Variants in FRAS1 observed in about 807,000 individuals in gnomAD.
The protein encoded by FRAS1 is extracellular matrix organizing protein FRAS1.
A neutral mutation model predicts 435.2 loss-of-function variants in FRAS1; 290 were observed. The observed-to-expected ratio is 0.67, with a 90% CI of 0.61 to 0.73. The LOEUF is 0.73. Among genes scored for constraint, FRAS1 ranks in the 30% least tolerant of loss-of-function variants. FRAS1 has a pLI of 0.00. For synonymous variants in FRAS1, 1,800 were observed against 1,851.0 expected (o/e 0.97, Z 0.71); for missense variants, 4,860 against 5,001.5 (o/e 0.97, Z 0.85).
chr4:78,136,200 CA>C (rs908673127), intron 2 of FRAS1, among the ~76,000 whole-genome samples: 6 of 152,074 alleles, frequency 3.9e-5, no homozygotes, highest in African/African-American at 1.4e-4. Flanking sequence ...TGAAGTCACA[CA>C]AAAAGCACAA....
chr4:78,482,324 A>G, intron 57 of FRAS1, 64 bp from the exon 58 acceptor site: 1 of 1,581,514 alleles, frequency 6.3e-7, no homozygotes, highest in Non-Finnish European at 8.7e-7. Context: ...CCTTTGCCCT[A>G]GTCAAGGTAA....
In FRAS1 at chr4:78,515,866, C is replaced by T. The variant is rs777534187; in HGVS notation, c.10242C>T (p.Phe3414=). The T allele has an allele frequency of 1.2e-6, 2 of 1,614,036 alleles. No homozygotes were observed. The highest frequency in any genetic ancestry group is 3.3e-4 in the Middle Eastern group (2 of 6,062). ...TALGPGYDRP[F]QFDPSVREPK... The stretch of plus-strand genomic sequence containing the variant: ...TGGGGCCTGGCTACGATCGCCCCTT[C>T]CAGTTTGACCCCAGCGTGCGAGAGC... The change falls in exon 66 of 74, where the codon TTC becomes TTT. Residue 3414 remains phenylalanine, a synonymous_variant. Transcript: ENST00000512123.
At chr4:78,070,180 T>C (rs1277957334) in intron 2 of FRAS1, among the ~76,000 whole-genome samples, 2 of 152,276 alleles carry the variant, frequency 1.3e-5, no homozygotes, top group African/African-American at 2.4e-5. Context: ...GACAGGCATG[T>C]CATCTTAAAA....
At chr4:78,311,072 A>G (rs947791641) in intron 15 of FRAS1, among the ~76,000 whole-genome samples, 21 of 152,166 alleles carry the variant, frequency 1.4e-4, no homozygotes, top group African/African-American at 5.1e-4. Flanking sequence ...TTAAGTATTT[A>G]TGCCATTATG....
intron 2 of FRAS1, among the ~76,000 whole-genome samples, chr4:78,228,513 G>A (rs1724367811): frequency 6.6e-6 from 1 of 152,176 alleles, no homozygotes; most frequent in Non-Finnish European, 1.5e-5. Flanking sequence ...GAATGAAGAG[G>A]AGCACATTTT....
In FRAS1 at chr4:78,337,661, G is replaced by A. The variant is rs533686252; in HGVS notation, c.2279-13G>A. 1.4e-5 allele frequency: 22 copies of A among 1,607,298 alleles called. No individual in the cohort carries two copies. In the African/African-American group the frequency reaches 1.6e-4, roughly 12 times the overall value. ...GCTGCTAATTCCAATCCTGGTTTTC[G>A]TCCCCCTGCCAGAGTGTCACCCAAC... On this transcript the variant is annotated splice_polypyrimidine_tract_variant and intron_variant, in intron 19 of 73. Coordinates refer to ENST00000512123, the MANE Select transcript of FRAS1 (RefSeq NM_025074.7).
At chr4:78,346,017 A>G (rs2110277840) in intron 20 of FRAS1, among the ~76,000 whole-genome samples, 1 of 152,306 alleles carries the variant, frequency 6.6e-6, no homozygotes, top group Middle Eastern at 3.4e-3. Flanking sequence ...TCTTCCTAAC[A>G]ACTATAGGTC....
At position 78,541,097 on chromosome 4, in the gene FRAS1, C is replaced by T. The variant is rs1167238753; in HGVS notation, c.12012C>T (p.Asn4004=). 1.4e-6 allele frequency: 2 copies of T among 1,384,104 alleles called. No homozygotes were observed. Among genetic ancestry groups the T allele is most frequent in the East Asian group, 5.0e-5 (2 of 40,370 alleles). 85.7% of individuals were successfully genotyped at this position (1,384,104 alleles called of 1,614,324 possible). The change falls in exon 74 of 74, where the codon AAC becomes AAT. Residue 4004 remains asparagine (N), a synonymous_variant. Coordinates refer to ENST00000512123, the MANE Select transcript of FRAS1 (RefSeq NM_025074.7). The part of the protein sequence containing the change: ...KRLNLEVRVH[N]NLQDGTEV Reference sequence around the variant, plus strand: ...TGAATCTAGAAGTCAGAGTTCACAACAATTTACAAGATGGAACAGAAGTTT... The same window carrying T: ...TGAATCTAGAAGTCAGAGTTCACAATAATTTACAAGATGGAACAGAAGTTT...
intron 2 of FRAS1, among the ~76,000 whole-genome samples, chr4:78,228,160 A>T (rs1029309481): frequency 6.6e-6 from 1 of 152,226 alleles, no homozygotes. Flanking sequence ...TCATGTGCAA[A>T]CATTTTGAAT....
chr4:78,266,721 A>T, intron 7 of FRAS1, 113 bp from the exon 8 acceptor site: 1 of 744,230 alleles, frequency 1.3e-6, no homozygotes, highest in Non-Finnish European at 2.4e-6. Flanking sequence ...GAGTACATTC[A>T]ATGTGGCTCA....
chr4:78,415,668 T>G (rs952891370), intron 32 of FRAS1, among the ~76,000 whole-genome samples: 9 of 152,324 alleles, frequency 5.9e-5, no homozygotes, highest in East Asian at 3.9e-4. Context: ...GCATAAAATC[T>G]GTTAAGTGAA....
intron 2 of FRAS1, among the ~76,000 whole-genome samples, chr4:78,197,982 C>G (rs1328866551): frequency 2.0e-5 from 3 of 151,668 alleles, no homozygotes; most frequent in African/African-American, 7.3e-5. Context: ...ACTTTTATAG[C>G]AGGACTATGT....
chr4:78,081,247 AG>A (rs1442413824), intron 2 of FRAS1, among the ~76,000 whole-genome samples: 20 of 152,318 alleles, frequency 1.3e-4, no homozygotes, highest in South Asian at 8.3e-4. Context: ...CAACTTCAAT[AG>A]AACTTTCTGC....
At chr4:78,174,995 G>T (rs1364077136) in intron 2 of FRAS1, among the ~76,000 whole-genome samples, 2 of 152,222 alleles carry the variant, frequency 1.3e-5, no homozygotes. Flanking sequence ...TCAGTAATGT[G>T]CTGTGAAGAT....
At chr4:78,085,456 A>G (rs1395997092) in intron 2 of FRAS1, among the ~76,000 whole-genome samples, 1 of 152,150 alleles carries the variant, frequency 6.6e-6, no homozygotes, top group African/African-American at 2.4e-5. Flanking sequence ...TAAGGAATCA[A>G]TCAATACTGA....
intron 2 of FRAS1, among the ~76,000 whole-genome samples, chr4:78,187,644 C>T (rs564833552): frequency 2.0e-5 from 3 of 151,888 alleles, no homozygotes; most frequent in Non-Finnish European, 4.4e-5. Context: ...TATTCTGTTG[C>T]CCAGGCTGGA....
intron 2 of FRAS1, among the ~76,000 whole-genome samples, chr4:78,166,796 G>A (rs901872145): frequency 6.6e-6 from 1 of 152,062 alleles, no homozygotes; most frequent in Non-Finnish European, 1.5e-5. Flanking sequence ...AATGGACTGT[G>A]AGAAAAAAAA....
intron 58 of FRAS1, among the ~76,000 whole-genome samples, chr4:78,483,798 A>ATATATATATATAT (rs1491045148): frequency 1.3e-3 from 92 of 71,462 alleles, no homozygotes; most frequent in South Asian, 4.0e-3. Context: ...ATATATATAT[A>ATATATATATATAT]AAATTATGTA....
At chr4:78,270,819 C>T (rs1726638009) in intron 9 of FRAS1, among the ~76,000 whole-genome samples, 1 of 152,108 alleles carries the variant, frequency 6.6e-6, no homozygotes, top group Admixed American at 6.6e-5. Flanking sequence ...TGTCACATTT[C>T]TGCAAAATAA....
Sources: gnomAD v4.1 joint callset for allele counts (sites outside exome capture counted in the v4.1 genomes callset) on GRCh38, gnomAD v4.1.1 for gene constraint, MANE v1.5 for transcripts, NCBI Gene and HGNC (gene_info 2026-07-23, HGNC 2026-07-21) for gene names.